Variants in HECTD4 observed in about 807,000 individuals in gnomAD.
HECTD4 encodes HECT domain E3 ubiquitin protein ligase 4.
Under a neutral mutation model 471.5 loss-of-function variants are expected in HECTD4, and 114 were observed. That is an observed-to-expected ratio of 0.24 (90% CI 0.21 to 0.28). HECTD4 has a LOEUF of 0.28. HECTD4 is among the 10% of genes least tolerant of loss of function. The pLI is 1.00. For synonymous variants in HECTD4, 2,012 were observed against 2,256.0 expected, an observed-to-expected ratio of 0.89 and a Z score of 3.07; for missense variants, 3,866 against 5,651.5, an observed-to-expected ratio of 0.68 and a Z score of 10.13.
rs1225088701 is a variant in HECTD4, at chr12:112,256,329, G to A, written c.3318C>T (p.Asp1106=). The change falls in exon 21 of 76, where the codon GAC becomes GAT. Residue 1106 remains aspartate, a synonymous_variant. Coordinates refer to ENST00000682272, the MANE Select transcript of HECTD4 (RefSeq NM_001388303.1). ...RFDSRCSSQY[D]YDKLVIYAGP... ...CCCAGTTCTTACTTACTTTGTCATAGTCATATTGCGAAGAGCATCTGCTAT... is the reference window on the plus strand; with the variant it reads ...CCCAGTTCTTACTTACTTTGTCATAATCATATTGCGAAGAGCATCTGCTAT... The A allele has an allele frequency of 6.3e-7, 1 of 1,599,078 alleles. No individual in the cohort carries two copies. Among genetic ancestry groups the A allele is most frequent in the East Asian group, 2.3e-5 (1 of 44,310 alleles).
At position 112,166,238 on chromosome 12, in the gene HECTD4, T is replaced by G. The variant is rs924657376; in HGVS notation, c.12534+1079A>C. 2 of 152,266 alleles carry G rather than the reference T, an allele frequency of 1.3e-5. No individual in the cohort carries two copies. Among genetic ancestry groups the G allele is most frequent in the Non-Finnish European group, 2.9e-5 (2 of 68,090 alleles). The allele number at this position is 152,266 out of a possible 1,614,324, so 9.4% of individuals were successfully genotyped here. On this transcript the variant is annotated intron_variant, in intron 72 of 75. Coordinates refer to ENST00000682272, the MANE Select transcript of HECTD4 (RefSeq NM_001388303.1). The surrounding 1 kb of genome is among the most constrained non-coding windows in gnomAD (Gnocchi z 4.6). ...CCTTTAGACAATGCCTTGTCATCCCTGTTTCTACCGAGAAGCCACTGGCAT... is the reference window on the plus strand; with the variant it reads ...CCTTTAGACAATGCCTTGTCATCCCGGTTTCTACCGAGAAGCCACTGGCAT...
intron 1 of HECTD4, among the ~76,000 whole-genome samples, chr12:112,366,152 C>T (rs368569208): frequency 6.6e-6 from 1 of 152,054 alleles, no homozygotes; most frequent in Non-Finnish European, 1.5e-5. Context: ...ATACTTTCAG[C>T]TGACCAACAT....
In HECTD4 at chr12:112,259,139, T is replaced by C. The variant is rs1404784697; in HGVS notation, c.3000A>G (p.Leu1000=). ...GGCTGGTATAGAGTACCAGCTGCACTAGCTGAGGCATCAGGGCATCCGCCA... is the reference window on the plus strand; with the variant it reads ...GGCTGGTATAGAGTACCAGCTGCACCAGCTGAGGCATCAGGGCATCCGCCA... ...LIMADALMPQ[L]VQLVLYTSQT... The change falls in exon 19 of 76, where the codon CTA becomes CTG. Residue 1000 remains leucine (L), a synonymous_variant. Coordinates refer to ENST00000682272, the MANE Select transcript of HECTD4 (RefSeq NM_001388303.1). 4 of 1,613,528 alleles carry C rather than the reference T, an allele frequency of 2.5e-6. No homozygotes were observed. The highest frequency in any genetic ancestry group is 3.4e-6 in the Non-Finnish European group (4 of 1,179,772).
At chr12:112,311,430 G>A (rs1040837588) in intron 4 of HECTD4, among the ~76,000 whole-genome samples, 4 of 128,714 alleles carry the variant, frequency 3.1e-5, no homozygotes, top group Admixed American at 8.7e-5. Context: ...CGAGATCCCC[G>A]TCTCTACATA....
At chr12:112,234,226 T>C (rs2033449478) in intron 37 of HECTD4, among the ~76,000 whole-genome samples, 1 of 152,230 alleles carries the variant, frequency 6.6e-6, no homozygotes, top group Non-Finnish European at 1.5e-5. Flanking sequence ...CTAATAGTTC[T>C]TCTTCCCCTG....
intron 11 of HECTD4, among the ~76,000 whole-genome samples, chr12:112,272,701 C>A (rs570691252): frequency 3.3e-5 from 5 of 152,310 alleles, no homozygotes; most frequent in Admixed American, 2.0e-4. Flanking sequence ...CACTAGTAAA[C>A]TTCTAGCTAG....
In HECTD4 at chr12:112,235,313, T is replaced by C. The variant is rs753332268; in HGVS notation, c.5726-47A>G. ...CATTCAGGAAAACTGCAGTGTTGTT[T>C]TGGCGGCTCTGCTAAAATGAAAAAT... On this transcript the variant is annotated intron_variant, in intron 36 of 75. Transcript: ENST00000682272. This position sits in a 1 kb window ranked among gnomAD's most constrained non-coding sequence, Gnocchi z 5.0. 6.4e-6 allele frequency: 10 copies of C among 1,567,706 alleles called. No homozygotes were observed. The Admixed American group carries it at 1.9e-4, about 30-fold the overall frequency.
intron 1 of HECTD4, among the ~76,000 whole-genome samples, chr12:112,366,312 A>G (rs2036556619): frequency 6.6e-6 from 1 of 152,004 alleles, no homozygotes; most frequent in South Asian, 2.1e-4. Flanking sequence ...GTTCAAGACA[A>G]GCCTGGGCAA....
chr12:112,164,070 GCCAGCCCCTGCCAGCCC>G, intron 73 of HECTD4, 22 bp downstream of exon 73: 1 of 1,391,510 alleles, frequency 7.2e-7, no homozygotes. Flanking sequence ...GGCTGGCCGG[GCCAGCCCCTGCCAGCCC>G]CTGACACGCG....
intron 29 of HECTD4, among the ~76,000 whole-genome samples, chr12:112,246,592 G>A (rs1017959341): frequency 2.0e-4 from 31 of 152,162 alleles, no homozygotes; most frequent in African/African-American, 6.7e-4. Context: ...CCAAGATTGC[G>A]CCACTGCACT....
At chr12:112,262,397 T>TG in intron 17 of HECTD4, among the ~76,000 whole-genome samples, 1 of 150,014 alleles carries the variant, frequency 6.7e-6, no homozygotes, top group East Asian at 2.0e-4. Flanking sequence ...ACATCTGTAA[T>TG]CCCAGCTACT....
chr12:112,258,506 G>A lies in HECTD4; in HGVS notation c.3118C>T (p.Pro1040Ser). 6.3e-7 allele frequency: 1 copy of A among 1,588,152 alleles called. No individual in the cohort carries two copies. Among genetic ancestry groups the A allele is most frequent in the East Asian group, 2.4e-5 (1 of 42,460 alleles). Residue 1040 changes from proline (P) to serine (S), a missense_variant, in exon 20 of 76, where the codon CCT (proline) becomes TCT (serine). Around this residue, in one of 16 missense-constraint regions of HECTD4, gnomAD observed 525 missense variants for 672.6 expected, o/e 0.78. Transcript: ENST00000682272. ...GAPDQKCRLF[P>S]DERMLEEKEE... ...AGCAGCATTCATTACCTCTCATCAG[G>A]GAACAGCCTGCACTTCTGGTCTGGT...
At chr12:112,278,285 T>G (rs529884289) in intron 9 of HECTD4, among the ~76,000 whole-genome samples, 2 of 152,258 alleles carry the variant, frequency 1.3e-5, no homozygotes, top group East Asian at 3.9e-4. Flanking sequence ...CACAACTCTG[T>G]GAACATATTA....
At chr12:112,270,525 C>T (rs530646044) in intron 11 of HECTD4, 66 bp from the exon 12 acceptor site, 79 of 1,313,794 alleles carry the variant, frequency 6.0e-5, no homozygotes, top group Non-Finnish European at 7.9e-5. Context: ...AAGAATAGAC[C>T]TTTGACTTAC....
At chr12:112,169,016 C>A (rs891693590) in intron 70 of HECTD4, among the ~76,000 whole-genome samples, 2 of 152,186 alleles carry the variant, frequency 1.3e-5, no homozygotes, top group African/African-American at 4.8e-5. Flanking sequence ...CCAGTGTGCC[C>A]GGCTGTGGAG....
chr12:112,209,888 C>G, intron 50 of HECTD4, 127 bp downstream of exon 50: 2 of 747,550 alleles, frequency 2.7e-6, no homozygotes, highest in Non-Finnish European at 4.5e-6. Context: ...ACCCCATTAC[C>G]AATGGGCACG....
intron 59 of HECTD4, 67 bp from the exon 60 acceptor site, chr12:112,191,032 G>A (rs112720829): frequency 1.3e-4 from 180 of 1,337,570 alleles, no homozygotes; most frequent in Non-Finnish European, 1.6e-4. Flanking sequence ...CCTCACAAAA[G>A]GTCCTGCCAG....
At chr12:112,287,034 C>T (rs769327950) in intron 7 of HECTD4, among the ~76,000 whole-genome samples, 14 of 152,136 alleles carry the variant, frequency 9.2e-5, no homozygotes, top group Non-Finnish European at 2.1e-4. Flanking sequence ...ATCCCTCAGT[C>T]TCAAGCAAAC....
intron 1 of HECTD4, among the ~76,000 whole-genome samples, chr12:112,365,763 T>G (rs972961853): frequency 1.9e-4 from 22 of 115,872 alleles, no homozygotes; most frequent in African/African-American, 6.6e-4. Context: ...TTCTTTGTGT[T>G]TTTTTTTTGT....
Sources: allele counts gnomAD v4.1 joint callset (sites outside exome capture counted in the v4.1 genomes callset), GRCh38; gene constraint gnomAD v4.1.1; regional missense constraint gnomAD v4.1.1; non-coding constraint Gnocchi (gnomAD v3.1); transcripts MANE v1.5; gene names NCBI Gene and HGNC (gene_info 2026-07-23, HGNC 2026-07-21).